Variants in TAF4B observed in about 807,000 individuals in gnomAD.
TAF4B encodes the protein transcription initiation factor TFIID subunit 4B.
In TAF4B, 38 loss-of-function variants were observed where a neutral mutation model predicts 86.4. The ratio of observed to expected loss-of-function variants is 0.44; its 90% CI spans 0.34 to 0.58. TAF4B has a LOEUF of 0.58. Ranked by LOEUF, TAF4B falls within the 20% of genes least tolerant of loss-of-function variation. The pLI, the probability that TAF4B is intolerant of heterozygous loss-of-function variation, is 0.02. For missense variants in TAF4B, 988 were observed against 1,027.6 expected (o/e 0.96, Z 0.53); for synonymous variants, 388 against 391.2 (o/e 0.99, Z 0.10).
intron 1 of TAF4B, among the ~76,000 whole-genome samples, chr18:26,251,608 T>C (rs9958509): frequency 0.066 from 10,114 of 152,246 alleles, 608 homozygotes; most frequent in African/African-American, 0.14. Flanking sequence ...TAACCTAATA[T>C]ATGATTACAT....
At chr18:26,374,300 C>T (rs1019638435) in intron 14 of TAF4B, among the ~76,000 whole-genome samples, 6 of 152,160 alleles carry the variant, frequency 3.9e-5, no homozygotes, top group African/African-American at 1.4e-4. Context: ...AAGATAATTT[C>T]TATGAGCTTT....
intron 1 of TAF4B, chr18:26,256,246 A>C: frequency 6.4e-7 from 1 of 1,560,318 alleles, no homozygotes; most frequent in Non-Finnish European, 8.8e-7. Context: ...CAGCTGTGGA[A>C]GTCCTTTTCA....
chr18:26,239,534 G>A (rs1379547058), intron 1 of TAF4B, among the ~76,000 whole-genome samples: 1 of 152,166 alleles, frequency 6.6e-6, no homozygotes, highest in Non-Finnish European at 1.5e-5. Context: ...CCACTCTGTA[G>A]GTTGCCTGTT....
At chr18:26,264,220 C>T (rs1243617460) in intron 1 of TAF4B, among the ~76,000 whole-genome samples, 1 of 152,148 alleles carries the variant, frequency 6.6e-6, no homozygotes, top group African/African-American at 2.4e-5. Flanking sequence ...GGGAGGATCA[C>T]CTGGGATCAG....
intron 9 of TAF4B, among the ~76,000 whole-genome samples, chr18:26,305,732 T>G (rs149546253): frequency 0.014 from 2,080 of 152,212 alleles, 23 homozygotes; most frequent in Non-Finnish European, 0.02. Context: ...CTTTATTTAT[T>G]TATCTAGCCC....
intron 12 of TAF4B, among the ~76,000 whole-genome samples, chr18:26,333,791 AT>A (rs1379045373): frequency 1.3e-5 from 2 of 152,124 alleles, no homozygotes; most frequent in African/African-American, 4.8e-5. Context: ...TTTCATTTTT[AT>A]AAAATTTTTT....
intron 1 of TAF4B, chr18:26,256,120 A>G (rs561162404): frequency 2.5e-6 from 4 of 1,578,678 alleles, no homozygotes; most frequent in East Asian, 4.5e-5. Context: ...CAGCCCTTGC[A>G]TCTACCACAT....
chr18:26,353,101 C>A (rs896897993), intron 13 of TAF4B, among the ~76,000 whole-genome samples: 5 of 152,084 alleles, frequency 3.3e-5, no homozygotes, highest in Admixed American at 6.5e-5. Context: ...AATAGTTAAA[C>A]CCACAAAGAT....
At chr18:26,322,374 G>C (rs1305140999) in intron 11 of TAF4B, among the ~76,000 whole-genome samples, 1 of 151,252 alleles carries the variant, frequency 6.6e-6, no homozygotes, top group Non-Finnish European at 1.5e-5. Flanking sequence ...ACTGACTTAG[G>C]AATATGTGAT....
At chr18:26,294,255 T>G (rs2056633588) in intron 9 of TAF4B, among the ~76,000 whole-genome samples, 1 of 152,106 alleles carries the variant, frequency 6.6e-6, no homozygotes, top group Admixed American at 6.6e-5. Context: ...AGCGTTCTAG[T>G]TCCTGTCCAA....
intron 9 of TAF4B, among the ~76,000 whole-genome samples, chr18:26,309,925 A>G (rs2056836888): frequency 6.6e-6 from 1 of 152,150 alleles, no homozygotes; most frequent in South Asian, 2.1e-4. Context: ...CCCGGGTTCA[A>G]GAGATTCTCC....
chr18:26,255,852 T>C, intron 1 of TAF4B: 1 of 1,345,248 alleles, frequency 7.4e-7, no homozygotes, highest in South Asian at 1.2e-5. Context: ...ACATGTCTTC[T>C]GTCTTTTCTA....
chr18:26,281,252 A>G (rs2056445395), intron 5 of TAF4B, among the ~76,000 whole-genome samples: 1 of 151,582 alleles, frequency 6.6e-6, no homozygotes, highest in Non-Finnish European at 1.5e-5. Context: ...TACCTCTTGA[A>G]TCTAAAATAA....
chr18:26,301,863 C>G (rs2056737335), intron 9 of TAF4B, among the ~76,000 whole-genome samples: 2 of 152,110 alleles, frequency 1.3e-5, no homozygotes, highest in African/African-American at 4.8e-5. Context: ...GCTTTTCTGC[C>G]TCTTAGCAGC....
chr18:26,261,071 A>G (rs866782273), intron 1 of TAF4B, among the ~76,000 whole-genome samples: 18 of 152,254 alleles, frequency 1.2e-4, no homozygotes, highest in Middle Eastern at 3.4e-3. Context: ...GATTTTTAAA[A>G]AAGGTCTGGC....
At chr18:26,353,181 T>G (rs1219529942) in intron 13 of TAF4B, among the ~76,000 whole-genome samples, 1 of 152,120 alleles carries the variant, frequency 6.6e-6, no homozygotes, top group East Asian at 1.9e-4. Context: ...AAACAAAATG[T>G]TAGCAAATCA....
chr18:26,262,249 C>T (rs1341688723), intron 1 of TAF4B, among the ~76,000 whole-genome samples: 2 of 151,888 alleles, frequency 1.3e-5, no homozygotes, highest in Non-Finnish European at 2.9e-5. Context: ...GTGACTTCCT[C>T]CTCCCGGGAA....
In TAF4B at chr18:26,327,030, A is replaced by G. The variant is rs1219387206; in HGVS notation, c.2149A>G (p.Ile717Val). The G allele has an allele frequency of 1.2e-6, 2 of 1,613,080 alleles. No homozygotes were observed. Among genetic ancestry groups the G allele is most frequent in the East Asian group, 4.5e-5 (2 of 44,852 alleles). The stretch of plus-strand genomic sequence containing the variant: ...TTTTTCCCAGGCAAGTGAAAATTAC[A>G]TCCTGTGTAGTGATACCAGGTCACA... ...MTTYKASENY[I>V]LCSDTRSQLK... is the part of the protein sequence containing the mutation. The change falls in exon 12 of 15, where the codon ATC becomes GTC. Residue 717 changes from isoleucine (I) to valine (V), a missense_variant. Around this residue, in one of 3 missense-constraint regions of TAF4B, gnomAD observed 216 missense variants for 238.4 expected, o/e 0.91. Coordinates refer to ENST00000269142, the MANE Select transcript of TAF4B (RefSeq NM_005640.3).
intron 11 of TAF4B, among the ~76,000 whole-genome samples, chr18:26,321,430 A>G (rs1056307997): frequency 2.0e-5 from 3 of 152,094 alleles, no homozygotes; most frequent in African/African-American, 4.8e-5. Context: ...TGAAATATGT[A>G]TCTGTTCTGC....
Sources: allele counts gnomAD v4.1 joint callset (sites outside exome capture counted in the v4.1 genomes callset), GRCh38; gene constraint gnomAD v4.1.1; regional missense constraint gnomAD v4.1.1; transcripts MANE v1.5; gene names NCBI Gene and HGNC (gene_info 2026-07-23, HGNC 2026-07-21).